Variants in IL17RD observed in about 807,000 individuals in gnomAD.
IL17RD encodes interleukin 17 receptor D, also known as interleukin-17 receptor D.
A neutral mutation model predicts 80.5 loss-of-function variants in IL17RD; 52 were observed. The observed-to-expected ratio is 0.65, with a 90% CI of 0.52 to 0.81. The LOEUF (loss-of-function observed/expected upper bound fraction) is 0.81. Ranked by LOEUF, IL17RD falls within the 40% of genes least tolerant of loss-of-function variation. IL17RD has a pLI of 0.00. For synonymous variants in IL17RD, 416 were observed against 391.8 expected, an observed-to-expected ratio of 1.06 and a Z score of -0.73; for missense variants, 1,024 against 955.1, an observed-to-expected ratio of 1.07 and a Z score of -0.95.
intron 1 of IL17RD, among the ~76,000 whole-genome samples, chr3:57,161,648 C>T (rs2060305916): frequency 6.6e-6 from 1 of 152,144 alleles, no homozygotes; most frequent in African/African-American, 2.4e-5. Context: ...GCAGGAAAAG[C>T]CACTAAATAC....
intron 1 of IL17RD, among the ~76,000 whole-genome samples, chr3:57,131,824 C>T (rs186527134): frequency 5.9e-5 from 9 of 152,356 alleles, no homozygotes; most frequent in African/African-American, 2.2e-4. Context: ...TCCAGCTCCA[C>T]TCAATAGCTT....
At chr3:57,146,015 GCGCACACACACACTCA>G (rs1479750963) in intron 1 of IL17RD, among the ~76,000 whole-genome samples, 1 of 147,174 alleles carries the variant, frequency 6.8e-6, no homozygotes, top group Admixed American at 6.9e-5. Context: ...GAAAGCGTGC[GCGCACACACACACTCA>G]CGCGCGCGCG....
intron 5 of IL17RD, among the ~76,000 whole-genome samples, chr3:57,107,512 G>C (rs1482569933): frequency 6.6e-6 from 1 of 152,170 alleles, no homozygotes; most frequent in East Asian, 1.9e-4. Flanking sequence ...AATGGATGAG[G>C]GCTGCAACCA....
At chr3:57,135,949 G>A (rs897904681) in intron 1 of IL17RD, among the ~76,000 whole-genome samples, 1 of 152,226 alleles carries the variant, frequency 6.6e-6, no homozygotes, top group Admixed American at 6.5e-5. Context: ...GCCTATTGAT[G>A]TGGGTATCCT....
At chr3:57,101,449 A>G (rs1706827946) in intron 10 of IL17RD, 86 bp from the exon 11 acceptor site, 2 of 859,966 alleles carry the variant, frequency 2.3e-6, no homozygotes, top group Non-Finnish European at 3.6e-6. Flanking sequence ...GCTATCTTCA[A>G]GAAAGAACAC....
At chr3:57,165,062 G>A in intron 1 of IL17RD, 99 bp downstream of exon 1, 1 of 1,375,320 alleles carries the variant, frequency 7.3e-7, no homozygotes, top group Non-Finnish European at 9.3e-7. Flanking sequence ...CCCGCGAAGA[G>A]CAGACAGGTT....
chr3:57,101,223 C>G lies in IL17RD; in HGVS notation c.1120G>C (p.Val374Leu), dbSNP rs781151564. 32 of 1,613,654 alleles carry G rather than the reference C, an allele frequency of 2.0e-5. No homozygotes were observed. Among genetic ancestry groups the G allele is most frequent in the Non-Finnish European group, 2.7e-5 (32 of 1,179,688 alleles). The change falls in exon 11 of 13, where the codon GTC becomes CTC. Residue 374 changes from valine (V) to leucine (L), a missense_variant. Coordinates refer to ENST00000296318, the MANE Select transcript of IL17RD (RefSeq NM_017563.5). ...TGGAGGAAGTAGGCGAAACACTGGA[C>G]GACATTCATGTGATTCTGGCCATCT... The part of the protein sequence containing the change: ...SKDGQNHMNV[V>L]QCFAYFLQDF...
intron 3 of IL17RD, among the ~76,000 whole-genome samples, chr3:57,112,602 AT>A (rs766227758): frequency 3.2e-4 from 48 of 152,328 alleles, no homozygotes; most frequent in Admixed American, 1.5e-3. Context: ...CCCCTTAACC[AT>A]TTAAGCCTTA....
chr3:57,117,808 G>A (rs909043840), intron 2 of IL17RD, among the ~76,000 whole-genome samples: 5 of 152,126 alleles, frequency 3.3e-5, no homozygotes, highest in Non-Finnish European at 7.3e-5. Flanking sequence ...TTGGATTCTG[G>A]TTGCAAAAAA....
At position 57,160,796 on chromosome 3, in the gene IL17RD, T is replaced by G. The variant is rs553309085; in HGVS notation, c.126+4365A>C. On this transcript the variant is annotated intron_variant, in intron 1 of 12. Transcript: ENST00000296318. ...TCTCATCCTGGTTACAGCATGCGTA[T>G]CCTCAAAAGAATTTGTTAAAATGCC... is the stretch of plus-strand genomic sequence containing the variant. Among the ~76,000 whole-genome samples, 7 of 152,336 alleles carry G rather than the reference T, an allele frequency of 4.6e-5. No homozygotes were observed. In the South Asian group the frequency reaches 1.4e-3, roughly 32 times the overall value.
chr3:57,142,529 T>A (rs1275026972), intron 1 of IL17RD: 2 of 1,284,824 alleles, frequency 1.6e-6, no homozygotes, highest in African/African-American at 3.0e-5. Flanking sequence ...AACCGCCCCG[T>A]CTGACCTCCC....
chr3:57,146,035 G>GCA (rs781080176), intron 1 of IL17RD, among the ~76,000 whole-genome samples: 21,650 of 151,016 alleles, frequency 0.14, 2,058 homozygotes, highest in East Asian at 0.37. Context: ...ACACTCACGC[G>GCA]CGCGCGCGCG....
At chr3:57,112,743 A>G (rs1707127069) in intron 3 of IL17RD, among the ~76,000 whole-genome samples, 1 of 152,346 alleles carries the variant, frequency 6.6e-6, no homozygotes, top group East Asian at 1.9e-4. Context: ...GGTTCGGCCC[A>G]TGGGTCTGCT....
chr3:57,121,245 A>G (rs964857379), intron 1 of IL17RD, among the ~76,000 whole-genome samples: 1 of 152,250 alleles, frequency 6.6e-6, no homozygotes, highest in East Asian at 1.9e-4. Context: ...GGAGGGAACC[A>G]TATGCGGGCA....
chr3:57,127,393 TAA>T lies in IL17RD; in HGVS notation c.127-7082_127-7081del, dbSNP rs1342742684. On this transcript the variant is annotated intron_variant, in intron 1 of 12. Coordinates refer to ENST00000296318, the MANE Select transcript of IL17RD (RefSeq NM_017563.5). The stretch of plus-strand genomic sequence containing the variant: ...ATATATATATAAATAAATAAATAAA[TAA>T]ATATATATATATATATATTTTTTTT... Among the ~76,000 whole-genome samples, 467 of 76,832 alleles carry T rather than the reference TAA, an allele frequency of 6.1e-3. 38 individuals carry two copies. Among genetic ancestry groups the T allele is most frequent in the Admixed American group, 0.014 (71 of 5,150 alleles). The allele number at this position is 76,832 out of a possible 152,430, so 50.4% of individuals were successfully genotyped here.
upstream of IL17RD, chr3:57,169,276 A>G (rs1273461644): frequency 1.9e-6 from 1 of 516,492 alleles, no homozygotes. Flanking sequence ...ACTTTCAGCC[A>G]CTCCTCGTGG....
chr3:57,123,526 T>C (rs1405210987), intron 1 of IL17RD, among the ~76,000 whole-genome samples: 1 of 152,236 alleles, frequency 6.6e-6, no homozygotes, highest in Non-Finnish European at 1.5e-5. Flanking sequence ...CGCATCACAC[T>C]GTGTGTTCCT....
intron 1 of IL17RD, among the ~76,000 whole-genome samples, chr3:57,143,195 A>G (rs1232597984): frequency 6.6e-6 from 1 of 152,222 alleles, no homozygotes; most frequent in Non-Finnish European, 1.5e-5. Context: ...ACCTACCTTA[A>G]AGTGTGTTTA....
At chr3:57,148,837 C>T (rs1233418483) in intron 1 of IL17RD, among the ~76,000 whole-genome samples, 1 of 152,208 alleles carries the variant, frequency 6.6e-6, no homozygotes, top group Non-Finnish European at 1.5e-5. Context: ...AGAACATCCC[C>T]ACCTCTCTGC....
Sources: allele counts gnomAD v4.1 joint callset (sites outside exome capture counted in the v4.1 genomes callset), GRCh38; gene constraint gnomAD v4.1.1; transcripts MANE v1.5; gene names NCBI Gene and HGNC (gene_info 2026-07-23, HGNC 2026-07-21).